ZSCAN21: variants seen among roughly 807,000 people sequenced by gnomAD.
ZSCAN21 encodes the protein zinc finger and SCAN domain containing 21.
A neutral mutation model predicts 35.6 loss-of-function variants in ZSCAN21; 26 were observed. The observed-to-expected ratio is 0.73, with a 90% CI of 0.54 to 1.01. The LOEUF (loss-of-function observed/expected upper bound fraction) is 1.01. Among genes scored for constraint, ZSCAN21 ranks in the 50% least tolerant of loss-of-function variants. The pLI is 0.00. For synonymous variants in ZSCAN21, 219 were observed against 219.3 expected (o/e 1.00, Z 0.01); for missense variants, 593 against 587.1 (o/e 1.01, Z -0.10).
chr7:100,064,720 G>C lies in ZSCAN21; in HGVS notation c.*103G>C. 6.2e-7 allele frequency: 1 copy of C among 1,611,702 alleles called. No homozygotes were observed. ...AGCATCGATTCCGGTGATAGAGTTT[G>C]TATCACTCAACATCAGGGGATGCCT... On this transcript the variant is annotated 3_prime_UTR_variant, in exon 4 of 4. Coordinates refer to ENST00000292450, the MANE Select transcript of ZSCAN21 (RefSeq NM_145914.3).
Position 100,064,797 on chromosome 7 carries a change from G to T in ZSCAN21, c.*180G>T. ...GGCAGGCAGGAGGTCCTCAGAAGGTGTCAGGAGGTTCCACACTCGCCAGTT... is the reference window on the plus strand; with the variant it reads ...GGCAGGCAGGAGGTCCTCAGAAGGTTTCAGGAGGTTCCACACTCGCCAGTT... On this transcript the variant is annotated 3_prime_UTR_variant, in exon 4 of 4. Coordinates refer to ENST00000292450, the MANE Select transcript of ZSCAN21 (RefSeq NM_145914.3). 1.2e-6 allele frequency: 2 copies of T among 1,614,192 alleles called. No homozygotes were observed. Among genetic ancestry groups the T allele is most frequent in the African/African-American group, 1.3e-5 (1 of 75,056 alleles).
Position 100,064,480 on chromosome 7 carries a change from T to C in ZSCAN21, c.1285T>C (p.Ser429Pro). The C allele has an allele frequency of 6.2e-7, 1 of 1,613,910 alleles. No homozygotes were observed. The highest frequency in any genetic ancestry group is 8.5e-7 in the Non-Finnish European group (1 of 1,179,992). ...KECGKAFNHS[S>P]NFNKHHRIHT... ...GTGTGGGAAAGCCTTCAACCACAGC[T>C]CCAACTTCAATAAACACCACAGAAT... The change falls in exon 4 of 4, where the codon TCC becomes CCC. Residue 429 changes from serine (S) to proline (P), a missense_variant. Ser to Pro is a moderately conservative substitution (Grantham distance 74). Transcript: ENST00000292450.
chr7:100,055,785 G>T (rs530663959), intron 1 of ZSCAN21, among the ~76,000 whole-genome samples: 1 of 148,944 alleles, frequency 6.7e-6, no homozygotes, highest in African/African-American at 2.5e-5. Context: ...GACTACAGGC[G>T]CCTGCAACCA....
chr7:100,051,178 CAA>C (rs369246193), intron 1 of ZSCAN21, among the ~76,000 whole-genome samples: 1,563 of 41,060 alleles, frequency 0.038, 5 homozygotes, highest in Non-Finnish European at 0.052. Flanking sequence ...AACTACGTCT[CAA>C]AAAAAAAAAA....
At chr7:100,063,535 G>C (rs528808097) in intron 3 of ZSCAN21, among the ~76,000 whole-genome samples, 174 of 152,244 alleles carry the variant, frequency 1.1e-3, no homozygotes, top group African/African-American at 3.9e-3. Flanking sequence ...CAGGGAGTTG[G>C]AGGTTGCAGT....
In ZSCAN21 at chr7:100,053,519, T is replaced by TTACA. The variant is rs56855067; in HGVS notation, c.-96-3369_-96-3366dup. Among the ~76,000 whole-genome samples the TTACA allele has an allele frequency of 7.5e-4, 76 of 101,834 alleles. 2 individuals are homozygous for TTACA. The highest frequency in any genetic ancestry group is 0.012 in the Middle Eastern group (2 of 168). 66.8% of individuals were successfully genotyped at this position (101,834 alleles called of 152,430 possible). A position where few individuals can be genotyped will look rare whatever the true frequency, so the allele number is the denominator to read the frequency against. ...GTTAATCTGCCACTGAGGAGGGCTC[T>TTACA]TACATACATACATACATACATACAT... On this transcript the variant is annotated intron_variant, in intron 1 of 3. Coordinates refer to ENST00000292450, the MANE Select transcript of ZSCAN21 (RefSeq NM_145914.3).
At chr7:100,053,659 C>A (rs1791974060) in intron 1 of ZSCAN21, among the ~76,000 whole-genome samples, 1 of 150,908 alleles carries the variant, frequency 6.6e-6, no homozygotes, top group African/African-American at 2.4e-5. Context: ...CAAGTGATTC[C>A]CTGCCTCAGC....
Position 100,051,282 on chromosome 7 carries a change from C to CTTT in ZSCAN21, c.-97+1468_-97+1470dup, listed in dbSNP as rs1164734568. ...GGCTGCCTAGGGATCTAGGGATTTT[C>CTTT]TTTTTTTTTTTTTTTTTTTTTTTTT... is the stretch of plus-strand genomic sequence containing the variant. On this transcript the variant is annotated intron_variant, in intron 1 of 3. Transcript: ENST00000292450. Among the ~76,000 whole-genome samples, 83 of 34,966 alleles carry CTTT rather than the reference C, an allele frequency of 2.4e-3. 21 individuals are homozygous for CTTT. The highest frequency in any genetic ancestry group is 9.0e-3 in the South Asian group (5 of 554). The allele number at this position is 34,966 out of a possible 152,430, so 22.9% of individuals were successfully genotyped here.
chr7:100,051,283 T>C (rs1281889904), intron 1 of ZSCAN21, among the ~76,000 whole-genome samples: 1 of 23,950 alleles, frequency 4.2e-5, no homozygotes, highest in African/African-American at 1.8e-4. Flanking sequence ...AGGGATTTTC[T>C]TTTTTTTTTT....
intron 3 of ZSCAN21, among the ~76,000 whole-genome samples, chr7:100,062,144 T>G (rs1376169161): frequency 6.6e-6 from 1 of 152,170 alleles, no homozygotes; most frequent in Non-Finnish European, 1.5e-5. Flanking sequence ...TGCTTTTATG[T>G]TCAACTGCTG....
At chr7:100,057,552 T>C in intron 2 of ZSCAN21, 146 bp from the exon 3 acceptor site, 3 of 1,375,456 alleles carry the variant, frequency 2.2e-6, no homozygotes, top group Non-Finnish European at 2.9e-6. Context: ...TCTATCATCC[T>C]AAACTAACTT....
chr7:100,057,403 C>G lies in ZSCAN21; in HGVS notation c.397C>G (p.Gln133Glu). The G allele has an allele frequency of 6.5e-7, 1 of 1,540,396 alleles. No homozygotes were observed. Among genetic ancestry groups the G allele is most frequent in the Non-Finnish European group, 8.7e-7 (1 of 1,146,946 alleles). Residue 133 changes from glutamine to glutamate, a missense_variant and splice_region_variant, in exon 2 of 4, where the codon CAG (glutamine) becomes GAG (glutamate). Physicochemically the swap from Gln to Glu is conservative, Grantham distance 29. Coordinates refer to ENST00000292450, the MANE Select transcript of ZSCAN21 (RefSeq NM_145914.3). ...LERELDEPGHQVSTPPNEQKP... is the reference protein window; with the variant it reads ...LERELDEPGHEVSTPPNEQKP... ...GCGGGAACTGGATGAGCCAGGACAC[C>G]AGGTAGGCAGGAGAGACCTTTGTTA...
chr7:100,060,719 G>A (rs1235718008), intron 3 of ZSCAN21, among the ~76,000 whole-genome samples: 3 of 151,270 alleles, frequency 2.0e-5, no homozygotes, highest in Non-Finnish European at 4.4e-5. Context: ...ATGGTGGCAC[G>A]TGTTGTCCCT....
chr7:100,050,488 C>G (rs567463742), intron 1 of ZSCAN21, among the ~76,000 whole-genome samples: 12 of 152,244 alleles, frequency 7.9e-5, no homozygotes, highest in Admixed American at 4.6e-4. Flanking sequence ...CGGCGGATCA[C>G]TTGAGGTCAG....
Position 100,057,753 on chromosome 7 carries a change from G to A in ZSCAN21, c.455G>A (p.Gly152Glu), listed in dbSNP as rs1428659111. ...KPVWEKISSS[G>E]TAKESPSSMQ... ...GTGTGGGAGAAGATATCCTCCTCAG[G>A]AACTGCAAAGGAATCCCCGAGCAGC... Residue 152 changes from glycine to glutamate, a missense_variant, in exon 3 of 4, where the codon GGA becomes GAA. Gly to Glu is a moderately conservative substitution (Grantham distance 98). Coordinates refer to ENST00000292450, the MANE Select transcript of ZSCAN21 (RefSeq NM_145914.3). 14 of 1,613,774 alleles carry A rather than the reference G, an allele frequency of 8.7e-6. No individual in the cohort carries two copies. Among genetic ancestry groups the A allele is most frequent in the Non-Finnish European group, 1.1e-5 (13 of 1,179,968 alleles).
intron 1 of ZSCAN21, among the ~76,000 whole-genome samples, chr7:100,050,613 G>A (rs1183332135): frequency 6.6e-6 from 1 of 151,994 alleles, no homozygotes; most frequent in Non-Finnish European, 1.5e-5. Flanking sequence ...CAGGAGAATC[G>A]CTTGAACCCA....
In ZSCAN21 at chr7:100,057,829, C is replaced by T. The variant is rs781521636; in HGVS notation, c.531C>T (p.Pro177=). 7 of 1,613,906 alleles carry T rather than the reference C, an allele frequency of 4.3e-6. No individual in the cohort carries two copies. Among genetic ancestry groups the T allele is most frequent in the Non-Finnish European group, 5.9e-6 (7 of 1,179,934 alleles). Reference sequence around the variant, plus strand: ...GTCACAAATACGAGTCTTGGGGGCCCCTGTACATCCAAGAGTCTGGTGAGG... The same window carrying T: ...GTCACAAATACGAGTCTTGGGGGCCTCTGTACATCCAAGAGTCTGGTGAGG... ...ETSHKYESWG[P]LYIQESGEEQ... Residue 177 remains proline, a synonymous_variant, in exon 3 of 4, where the codon CCC becomes CCT. Transcript: ENST00000292450.
At position 100,057,794 on chromosome 7, in the gene ZSCAN21, T is replaced by C. The variant is rs1372113126; in HGVS notation, c.496T>C (p.Leu166=). The change falls in exon 3 of 4, where the codon TTG becomes CTG. Residue 166 remains leucine (L), a synonymous_variant. Transcript: ENST00000292450. ...CCCGAGCAGCATGCAGCCACAGCCC[T>C]TGGAGACCAGTCACAAATACGAGTC... ...ESPSSMQPQP[L]ETSHKYESWG... is the part of the protein sequence containing the mutation. 1 of 1,614,110 alleles carries C rather than the reference T, an allele frequency of 6.2e-7. No homozygotes were observed. Among genetic ancestry groups the C allele is most frequent in the Non-Finnish European group, 8.5e-7 (1 of 1,180,018 alleles).
chr7:100,062,470 C>G (rs1792359628), intron 3 of ZSCAN21, among the ~76,000 whole-genome samples: 1 of 151,374 alleles, frequency 6.6e-6, no homozygotes, highest in Non-Finnish European at 1.5e-5. Context: ...TGGCACATGC[C>G]TGTAATCTCA....
Sources: allele counts gnomAD v4.1 joint callset (sites outside exome capture counted in the v4.1 genomes callset), GRCh38; gene constraint gnomAD v4.1.1; transcripts MANE v1.5; gene names NCBI Gene and HGNC (gene_info 2026-07-23, HGNC 2026-07-21).